Variants in FRMD5 observed in about 807,000 individuals in gnomAD.
FRMD5 encodes the protein FERM domain-containing protein 5.
A neutral mutation model predicts 69.0 loss-of-function variants in FRMD5; 20 were observed. The observed-to-expected ratio is 0.29, with a 90% CI of 0.20 to 0.42. The LOEUF (loss-of-function observed/expected upper bound fraction) is 0.42, where lower values mean the gene tolerates loss of function less well. Ranked by LOEUF, FRMD5 falls within the 10% of genes least tolerant of loss-of-function variation. The pLI is 1.00. For missense variants in FRMD5, 595 were observed against 708.6 expected, an observed-to-expected ratio of 0.84 and a Z score of 1.82; for synonymous variants, 271 against 260.1, an observed-to-expected ratio of 1.04 and a Z score of -0.40.
chr15:44,121,299 C>A (rs2076947281), intron 1 of FRMD5, among the ~76,000 whole-genome samples: 1 of 150,780 alleles, frequency 6.6e-6, no homozygotes. Context: ...AGTCAGCTTT[C>A]AGTGGATGTG....
intron 1 of FRMD5, among the ~76,000 whole-genome samples, chr15:43,975,552 C>T (rs999340793): frequency 2.6e-5 from 4 of 152,106 alleles, no homozygotes; most frequent in Non-Finnish European, 5.9e-5. Context: ...ACTTTACACA[C>T]AAGTGATTAG....
intron 1 of FRMD5, among the ~76,000 whole-genome samples, chr15:44,181,010 T>C (rs10467976): frequency 0.013 from 1,977 of 152,260 alleles, 51 homozygotes; most frequent in African/African-American, 0.046. Flanking sequence ...AACTTAATCA[T>C]AAACACATTT....
At chr15:43,925,265 A>G (rs572316994) in intron 1 of FRMD5, among the ~76,000 whole-genome samples, 3 of 152,276 alleles carry the variant, frequency 2.0e-5, no homozygotes, top group South Asian at 2.1e-4. Flanking sequence ...TCGGCCTCCC[A>G]AAGTGCTAGG....
Position 44,195,262 on chromosome 15 carries a change from G to C in FRMD5, c.-208C>G. On this transcript the variant is annotated 5_prime_UTR_variant, in exon 1 of 14. Transcript: ENST00000417257. ...CGCCTCCCCCCAGCCCAGATCAAGC[G>C]CCGGGCTCTGTCTCCTCGGCGCCCC... is the stretch of plus-strand genomic sequence containing the variant. 1 of 526,992 alleles carries C rather than the reference G, an allele frequency of 1.9e-6. No homozygotes were observed. The highest frequency in any genetic ancestry group is 3.5e-5 in the East Asian group (1 of 28,360). The allele number at this position is 526,992 out of a possible 1,614,324, so 32.6% of individuals were successfully genotyped here.
At chr15:44,172,348 A>C (rs953421298) in intron 1 of FRMD5, among the ~76,000 whole-genome samples, 3 of 150,502 alleles carry the variant, frequency 2.0e-5, no homozygotes, top group Non-Finnish European at 4.4e-5. Flanking sequence ...TCCTGGACTC[A>C]AGCCATCCTC....
chr15:44,159,568 G>C (rs961464214), intron 1 of FRMD5, among the ~76,000 whole-genome samples: 16 of 152,152 alleles, frequency 1.1e-4, no homozygotes, highest in African/African-American at 3.4e-4. Flanking sequence ...GGAACAAGAG[G>C]AGTTTAAGAT....
intron 1 of FRMD5, among the ~76,000 whole-genome samples, chr15:44,001,098 C>G (rs910530081): frequency 3.3e-5 from 5 of 152,220 alleles, no homozygotes; most frequent in African/African-American, 1.2e-4. Flanking sequence ...AATAGCCATT[C>G]TAACGTGTTT....
chr15:44,173,525 A>T (rs1490667186), intron 1 of FRMD5, among the ~76,000 whole-genome samples: 1 of 151,690 alleles, frequency 6.6e-6, no homozygotes, highest in African/African-American at 2.4e-5. Flanking sequence ...AAATATACAT[A>T]TTTTTTTCTT....
At chr15:43,997,431 T>C (rs1012954746) in intron 1 of FRMD5, among the ~76,000 whole-genome samples, 1 of 152,184 alleles carries the variant, frequency 6.6e-6, no homozygotes, top group African/African-American at 2.4e-5. Flanking sequence ...TGCAGTAAGG[T>C]TGCAAAGGAT....
At chr15:44,125,541 G>A (rs2077014202) in intron 1 of FRMD5, among the ~76,000 whole-genome samples, 1 of 152,110 alleles carries the variant, frequency 6.6e-6, no homozygotes. Flanking sequence ...TTACCTCAGG[G>A]CCTATGGAAT....
At chr15:44,139,401 TAGAAAA>T (rs2077234013) in intron 1 of FRMD5, among the ~76,000 whole-genome samples, 1 of 149,924 alleles carries the variant, frequency 6.7e-6, no homozygotes, top group South Asian at 2.1e-4. Flanking sequence ...GAAGCCAGAA[TAGAAAA>T]AGAAAAAAAT....
At chr15:43,967,224 T>C (rs1046482343) in intron 1 of FRMD5, among the ~76,000 whole-genome samples, 1 of 139,856 alleles carries the variant, frequency 7.2e-6, no homozygotes, top group African/African-American at 3.2e-5. Flanking sequence ...CACATAAATA[T>C]ATAAACATAT....
At chr15:43,941,319 T>C (rs1242492183) in intron 1 of FRMD5, among the ~76,000 whole-genome samples, 7 of 152,182 alleles carry the variant, frequency 4.6e-5, no homozygotes, top group South Asian at 2.1e-4. Context: ...TGACTGATCA[T>C]AGCTTACTGC....
chr15:44,009,665 T>G (rs1890622749), intron 1 of FRMD5, among the ~76,000 whole-genome samples: 1 of 151,714 alleles, frequency 6.6e-6, no homozygotes, highest in Admixed American at 6.6e-5. Context: ...AGTGACAGAG[T>G]GAGACTGTGT....
intron 1 of FRMD5, among the ~76,000 whole-genome samples, chr15:44,179,554 T>C (rs1483274772): frequency 1.3e-5 from 2 of 152,214 alleles, no homozygotes; most frequent in Non-Finnish European, 1.5e-5. Context: ...GACCAGATCA[T>C]AGATGGAAGC....
chr15:44,139,567 A>C (rs1244550033), intron 1 of FRMD5, among the ~76,000 whole-genome samples: 2 of 151,604 alleles, frequency 1.3e-5, no homozygotes. Context: ...ACAAAATAGA[A>C]CTTAAGATAA....
At chr15:44,052,704 A>C (rs1461796927) in intron 1 of FRMD5, among the ~76,000 whole-genome samples, 1 of 152,182 alleles carries the variant, frequency 6.6e-6, no homozygotes, top group African/African-American at 2.4e-5. Context: ...CCATTTCTTA[A>C]ACACAGTGAA....
intron 1 of FRMD5, among the ~76,000 whole-genome samples, chr15:44,008,111 T>G (rs1464900548): frequency 6.8e-6 from 1 of 146,430 alleles, no homozygotes; most frequent in Non-Finnish European, 1.5e-5. Flanking sequence ...TTTTTTTTTT[T>G]TTGTAGAGAT....
chr15:44,180,419 C>T (rs1047661764), intron 1 of FRMD5, among the ~76,000 whole-genome samples: 3 of 152,094 alleles, frequency 2.0e-5, no homozygotes, highest in African/African-American at 2.4e-5. Context: ...TTATCAGTAC[C>T]TTCATTTTAA....
Sources: gnomAD v4.1 joint callset for allele counts (sites outside exome capture counted in the v4.1 genomes callset) on GRCh38, gnomAD v4.1.1 for gene constraint, MANE v1.5 for transcripts, NCBI Gene and HGNC (gene_info 2026-07-23, HGNC 2026-07-21) for gene names.